Variants in EXOC4 observed in about 807,000 individuals in gnomAD.
The protein encoded by EXOC4 is SEC8-like 1.
Under a neutral mutation model 107.2 loss-of-function variants are expected in EXOC4, and 71 were observed. That is an observed-to-expected ratio of 0.66 (90% CI 0.55 to 0.81). EXOC4 has a LOEUF of 0.81. Ranked by LOEUF, EXOC4 falls within the 30% of genes least tolerant of loss-of-function variation. The pLI is 0.00. For synonymous variants in EXOC4, 456 were observed against 441.2 expected, an observed-to-expected ratio of 1.03 and a Z score of -0.42; for missense variants, 1,108 against 1,189.6, an observed-to-expected ratio of 0.93 and a Z score of 1.01.
At chr7:133,928,057 A>G (rs1800091120) in intron 13 of EXOC4, among the ~76,000 whole-genome samples, 2 of 152,246 alleles carry the variant, frequency 1.3e-5, no homozygotes, top group Non-Finnish European at 2.9e-5. Flanking sequence ...ATCTGTTAGT[A>G]TCATTAAAGT....
At chr7:133,795,865 A>T (rs1796802913) in intron 10 of EXOC4, among the ~76,000 whole-genome samples, 2 of 152,178 alleles carry the variant, frequency 1.3e-5, no homozygotes, top group South Asian at 4.1e-4. Flanking sequence ...TCTTTTTAAA[A>T]ATTACCATTA....
chr7:133,802,084 C>T (rs10488174), intron 10 of EXOC4, among the ~76,000 whole-genome samples: 17,896 of 152,140 alleles, frequency 0.12, 1,142 homozygotes, highest in Middle Eastern at 0.15. Flanking sequence ...TTACATTCCT[C>T]TGGATTTACA....
chr7:133,570,590 C>T (rs560342035), intron 9 of EXOC4, among the ~76,000 whole-genome samples: 1 of 152,266 alleles, frequency 6.6e-6, no homozygotes, highest in South Asian at 2.1e-4. Flanking sequence ...GCAGATGGCT[C>T]TTGTGGCAGG....
At chr7:133,713,187 T>A (rs566553142) in intron 10 of EXOC4, among the ~76,000 whole-genome samples, 85 of 152,308 alleles carry the variant, frequency 5.6e-4, no homozygotes, top group Middle Eastern at 3.4e-3. Flanking sequence ...AGTAAAGGGT[T>A]AATAAAGACA....
At chr7:133,752,010 T>TAAATA (rs1335870935) in intron 10 of EXOC4, among the ~76,000 whole-genome samples, 1 of 151,544 alleles carries the variant, frequency 6.6e-6, no homozygotes, top group Non-Finnish European at 1.5e-5. Context: ...AATAAATAAA[T>TAAATA]AAATTATCTG....
At chr7:133,677,553 G>C (rs922496282) in intron 10 of EXOC4, among the ~76,000 whole-genome samples, 2 of 152,086 alleles carry the variant, frequency 1.3e-5, no homozygotes, top group African/African-American at 4.8e-5. Context: ...AGTTTGTTTT[G>C]CTCCGATTTT....
At chr7:133,536,875 G>A (rs116328451) in intron 9 of EXOC4, among the ~76,000 whole-genome samples, 1,858 of 152,012 alleles carry the variant, frequency 0.012, 28 homozygotes, top group African/African-American at 0.042. Context: ...GGAAGTAGAC[G>A]GGGCAAAAGT....
chr7:133,923,854 A>G (rs944445596), intron 13 of EXOC4, among the ~76,000 whole-genome samples: 2 of 152,238 alleles, frequency 1.3e-5, no homozygotes, highest in Admixed American at 6.5e-5. Context: ...GTTTTCTTCT[A>G]AAACCTTTAT....
intron 9 of EXOC4, among the ~76,000 whole-genome samples, chr7:133,588,767 C>G (rs1801467322): frequency 1.3e-5 from 2 of 152,098 alleles, no homozygotes; most frequent in Non-Finnish European, 2.9e-5. Flanking sequence ...GTGACTCCTA[C>G]TCAGGAGGCT....
chr7:134,061,672 A>C (rs1444612626), intron 17 of EXOC4, among the ~76,000 whole-genome samples: 1 of 152,170 alleles, frequency 6.6e-6, no homozygotes, highest in African/African-American at 2.4e-5. Flanking sequence ...CAATTTTAAA[A>C]ATGTATATTC....
rs111548986 is a variant in EXOC4 at position 133,769,199 on chromosome 7, G to A, written c.1515-48126G>A. 5.4e-4 allele frequency among the ~76,000 whole-genome samples: 82 copies of A among 152,032 alleles called. 1 individual carries two copies. The South Asian group carries it at 0.015, about 28-fold the overall frequency. ...TAAGTTGGTTTCCACCATGGCACAC[G>A]TATGCCTGTGTAACAAACCCACACA... On this transcript the variant is annotated intron_variant, in intron 10 of 17. Coordinates refer to ENST00000253861, the MANE Select transcript of EXOC4 (RefSeq NM_021807.4).
intron 10 of EXOC4, among the ~76,000 whole-genome samples, chr7:133,661,214 C>T (rs1803432572): frequency 6.6e-6 from 1 of 152,060 alleles, no homozygotes; most frequent in Non-Finnish European, 1.5e-5. Flanking sequence ...TTGCTGCATG[C>T]TAGCAGAGCC....
chr7:133,485,999 T>C (rs189241519), intron 9 of EXOC4, among the ~76,000 whole-genome samples: 18 of 152,348 alleles, frequency 1.2e-4, no homozygotes, highest in Admixed American at 2.0e-4. Context: ...TTTTATTCAA[T>C]GATATTACCT....
At chr7:134,011,799 A>G (rs1335257363) in intron 17 of EXOC4, among the ~76,000 whole-genome samples, 1 of 151,778 alleles carries the variant, frequency 6.6e-6, no homozygotes, top group African/African-American at 2.4e-5. Flanking sequence ...AAAAAAAAAA[A>G]AGAGTAGGCA....
intron 7 of EXOC4, among the ~76,000 whole-genome samples, chr7:133,431,941 A>C (rs1207865375): frequency 6.6e-6 from 1 of 152,244 alleles, no homozygotes; most frequent in Non-Finnish European, 1.5e-5. Flanking sequence ...GACTATTAAA[A>C]TACTACTTGA....
intron 9 of EXOC4, among the ~76,000 whole-genome samples, chr7:133,541,206 A>C (rs749253789): frequency 5.9e-5 from 9 of 152,190 alleles, no homozygotes; most frequent in African/African-American, 1.2e-4. Flanking sequence ...ATTGTGCACT[A>C]TGCAGGAAGT....
At chr7:133,871,621 A>T (rs753166319) in intron 11 of EXOC4, among the ~76,000 whole-genome samples, 5 of 151,944 alleles carry the variant, frequency 3.3e-5, no homozygotes, top group Admixed American at 6.6e-5. Flanking sequence ...TCAGTCATTA[A>T]TTTCTCTCTT....
At chr7:133,577,128 C>T (rs79694276) in intron 9 of EXOC4, among the ~76,000 whole-genome samples, 1,688 of 152,056 alleles carry the variant, frequency 0.011, 14 homozygotes, top group Non-Finnish European at 0.018. Flanking sequence ...GTGATAGGGC[C>T]GGAACAGACT....
Position 134,004,997 on chromosome 7 carries a change from C to G in EXOC4, c.2434C>G (p.Pro812Ala). ...VANVESMDYD[P>A]LVVKLNKDIS... is the part of the protein sequence containing the mutation. ...TAATGTGGAAAGTATGGATTATGAC[C>G]CCCTGGTGGTCAAGCTCAACAAAGA... Residue 812 changes from proline (P) to alanine (A), a missense_variant, in exon 16 of 18, where the codon CCC becomes GCC. Coordinates refer to ENST00000253861, the MANE Select transcript of EXOC4 (RefSeq NM_021807.4). 2 of 1,613,502 alleles carry G rather than the reference C, an allele frequency of 1.2e-6. No homozygotes were observed. Among genetic ancestry groups the G allele is most frequent in the East Asian group, 2.2e-5 (1 of 44,852 alleles).
Sources: allele counts gnomAD v4.1 joint callset (sites outside exome capture counted in the v4.1 genomes callset), GRCh38; gene constraint gnomAD v4.1.1; transcripts MANE v1.5; gene names NCBI Gene and HGNC (gene_info 2026-07-23, HGNC 2026-07-21).